Variants in BANP observed in about 807,000 individuals in gnomAD.
BANP encodes protein BANP.
In BANP, 11 loss-of-function variants were observed where a neutral mutation model predicts 68.1. That is an observed-to-expected ratio of 0.16 (90% CI 0.10 to 0.27). The LOEUF is 0.27. Ranked by LOEUF, BANP falls within the 10% of genes least tolerant of loss-of-function variation. The pLI is 1.00. For missense variants in BANP, 504 were observed against 722.7 expected, an observed-to-expected ratio of 0.70 and a Z score of 3.47; for synonymous variants, 329 against 303.2, an observed-to-expected ratio of 1.09 and a Z score of -0.88.
intron 11 of BANP, among the ~76,000 whole-genome samples, chr16:88,062,950 G>A (rs1192304662): frequency 6.6e-6 from 1 of 152,196 alleles, no homozygotes; most frequent in Non-Finnish European, 1.5e-5. Flanking sequence ...GCTCTGTAGG[G>A]ACCCTGGCGT....
intron 13 of BANP, 94 bp downstream of exon 13, chr16:88,072,306 C>T: frequency 2.8e-6 from 4 of 1,431,702 alleles, no homozygotes. Context: ...TTTCTCGTGA[C>T]TCTTCCTGTG....
chr16:88,032,159 A>T (rs1391088841), intron 8 of BANP, among the ~76,000 whole-genome samples: 2 of 151,140 alleles, frequency 1.3e-5, no homozygotes, highest in East Asian at 3.9e-4. Context: ...CCTTTCATTC[A>T]TATCAACATT....
upstream of BANP, among the ~76,000 whole-genome samples, chr16:87,949,953 C>T (rs539889113): frequency 4.0e-5 from 6 of 151,606 alleles, no homozygotes; most frequent in South Asian, 1.2e-3. Flanking sequence ...TCTCGGCTCA[C>T]TGCAAGCTCC....
intron 1 of BANP, among the ~76,000 whole-genome samples, chr16:87,971,869 C>T (rs996415434): frequency 6.6e-6 from 1 of 152,114 alleles, no homozygotes; most frequent in African/African-American, 2.4e-5. Context: ...CACAGCTTGC[C>T]ACAGCCTTGC....
intron 11 of BANP, among the ~76,000 whole-genome samples, chr16:88,047,769 G>A (rs544731247): frequency 8.5e-5 from 13 of 152,346 alleles, no homozygotes; most frequent in African/African-American, 3.1e-4. Context: ...TAAAATACCA[G>A]TGAGCTAGGA....
chr16:88,012,729 G>A (rs7500731), intron 6 of BANP, among the ~76,000 whole-genome samples: 98,255 of 152,110 alleles, frequency 0.65, 32,485 homozygotes, highest in East Asian at 0.95. Context: ...GATAACATTT[G>A]TCGGAATTAT....
At chr16:88,009,775 C>G (rs570087093) in intron 6 of BANP, among the ~76,000 whole-genome samples, 1 of 147,492 alleles carries the variant, frequency 6.8e-6, no homozygotes, top group East Asian at 2.0e-4. Flanking sequence ...AAGAAGGACG[C>G]TAACTCTCAG....
intron 1 of BANP, among the ~76,000 whole-genome samples, chr16:87,970,852 T>A (rs898017787): frequency 6.6e-6 from 1 of 152,066 alleles, no homozygotes; most frequent in African/African-American, 2.4e-5. Context: ...ACCCCGTCTC[T>A]ACTAAAATAC....
chr16:88,005,232 T>G (rs2152561294), intron 5 of BANP, among the ~76,000 whole-genome samples: 1 of 152,294 alleles, frequency 6.6e-6, no homozygotes, highest in Admixed American at 6.5e-5. Flanking sequence ...TCAGGGGCTT[T>G]GCACTGAGGT....
At chr16:88,019,871 G>A (rs1224711596) in intron 7 of BANP, among the ~76,000 whole-genome samples, 2 of 152,208 alleles carry the variant, frequency 1.3e-5, no homozygotes, top group African/African-American at 2.4e-5. Flanking sequence ...TGGGGTCTGA[G>A]TAAGACTGGG....
chr16:87,987,463 C>T (rs1326491432), intron 4 of BANP, among the ~76,000 whole-genome samples: 1 of 151,856 alleles, frequency 6.6e-6, no homozygotes, highest in African/African-American at 2.4e-5. Flanking sequence ...ATGGCTCACA[C>T]CTATAATTCC....
intron 4 of BANP, among the ~76,000 whole-genome samples, chr16:87,997,005 G>A (rs1343023668): frequency 2.0e-5 from 3 of 152,194 alleles, no homozygotes; most frequent in Admixed American, 2.0e-4. Flanking sequence ...CATGCCAGTT[G>A]CCCAGAGCAC....
intron 11 of BANP, among the ~76,000 whole-genome samples, chr16:88,042,112 C>T (rs558676578): frequency 5.3e-5 from 8 of 152,336 alleles, no homozygotes; most frequent in South Asian, 2.1e-4. Flanking sequence ...TGTGCAAGGC[C>T]GGAGGCCATG....
chr16:88,064,955 ACTC>A lies in BANP; in HGVS notation c.1312-309_1312-307del, dbSNP rs557503098. On this transcript the variant is annotated intron_variant, in intron 11 of 13. Coordinates refer to ENST00000682872, the MANE Select transcript of BANP (RefSeq NM_001386991.1). The surrounding 1 kb of genome is among the most constrained non-coding windows in gnomAD (Gnocchi z 4.5). ...TCCAATTTTGTTTTGGCTTTTAAAA[ACTC>A]CTACAGTACAAACTCTTTCTAATGG... Among the ~76,000 whole-genome samples, 140 of 151,826 alleles carry A rather than the reference ACTC, an allele frequency of 9.2e-4. No individual in the cohort carries two copies. The highest frequency in any genetic ancestry group is 3.2e-3 in the African/African-American group (133 of 41,360).
chr16:88,041,711 G>A (rs1236560562), intron 11 of BANP, among the ~76,000 whole-genome samples: 3 of 152,126 alleles, frequency 2.0e-5, no homozygotes, highest in Non-Finnish European at 2.9e-5. Flanking sequence ...GCCAACAGTC[G>A]TGGTGCGCGC....
chr16:88,035,237 C>G (rs760082257), intron 9 of BANP, 86 bp from the exon 10 acceptor site: 52 of 1,224,504 alleles, frequency 4.2e-5, no homozygotes, highest in Non-Finnish European at 5.9e-5. Flanking sequence ...AACAGATAAT[C>G]AAGAACAAAC....
At chr16:87,996,473 T>G (rs2152519049) in intron 4 of BANP, among the ~76,000 whole-genome samples, 1 of 77,214 alleles carries the variant, frequency 1.3e-5, no homozygotes, top group Admixed American at 1.4e-4. Flanking sequence ...TGGGCTCTGG[T>G]TCTGAGTGTT....
chr16:88,009,755 T>C (rs938801844), intron 6 of BANP, among the ~76,000 whole-genome samples: 1 of 151,720 alleles, frequency 6.6e-6, no homozygotes, highest in Non-Finnish European at 1.5e-5. Flanking sequence ...AGATTATGTC[T>C]CATTAGAATA....
chr16:88,070,189 T>C (rs747568547), intron 12 of BANP, among the ~76,000 whole-genome samples: 7 of 152,174 alleles, frequency 4.6e-5, no homozygotes, highest in Non-Finnish European at 7.3e-5. Context: ...AGTAGGGCCA[T>C]TGGTCAACAG....
Sources: gnomAD v4.1 joint callset for allele counts (sites outside exome capture counted in the v4.1 genomes callset) on GRCh38, gnomAD v4.1.1 for gene constraint, Gnocchi (gnomAD v3.1) non-coding constraint, MANE v1.5 for transcripts, NCBI Gene and HGNC (gene_info 2026-07-23, HGNC 2026-07-21) for gene names.